The following NSDHL variants were observed in gnomAD, a reference collection of about 807,000 sequenced individuals.
NSDHL encodes sterol-4-alpha-carboxylate 3-dehydrogenase, decarboxylating.
Under a neutral mutation model 23.0 loss-of-function variants are expected in NSDHL, and 1 was observed. The observed-to-expected ratio is 0.04, with a 90% CI of 0.02 to 0.21. The LOEUF (loss-of-function observed/expected upper bound fraction) is 0.21. Ranked by LOEUF, NSDHL falls within the 10% of genes least tolerant of loss-of-function variation. The pLI is 1.00. For missense variants in NSDHL, 237 were observed against 300.9 expected (o/e 0.79, Z 1.57); for synonymous variants, 128 against 121.1 (o/e 1.06, Z -0.37).
intron 3 of NSDHL, among the ~76,000 whole-genome samples, chrX:152,851,971 C>G (rs782688934): frequency 9.0e-6 from 1 of 111,109 alleles, no homozygotes; most frequent in African/African-American, 3.3e-5. Context: ...AGGCATTCTA[C>G]TCTGAGCACT....
intron 5 of NSDHL, among the ~76,000 whole-genome samples, 168 bp from the exon 6 acceptor site, chrX:152,865,651 T>C (rs1324524146): frequency 8.9e-6 from 1 of 112,817 alleles, no homozygotes; most frequent in Non-Finnish European, 1.9e-5. Flanking sequence ...TACCAGCCAC[T>C]GATGTAGGTT....
At chrX:152,844,457 G>A (rs1933241034) in intron 1 of NSDHL, among the ~76,000 whole-genome samples, 1 of 112,439 alleles carries the variant, frequency 8.9e-6, no homozygotes, top group South Asian at 3.7e-4. Context: ...ATGCGGTCCT[G>A]TCACTGCCCC....
intron 1 of NSDHL, among the ~76,000 whole-genome samples, chrX:152,841,134 G>T (rs1270554616): frequency 8.8e-6 from 1 of 113,058 alleles, no homozygotes; most frequent in African/African-American, 3.2e-5. Flanking sequence ...AGAATCTCCT[G>T]GTCTGCCAGT....
chrX:152,845,873 G>A lies in NSDHL; in HGVS notation c.-43-409G>A, dbSNP rs149570943. Among the ~76,000 whole-genome samples, 173 of 112,550 alleles carry A rather than the reference G, an allele frequency of 1.5e-3. 1 individual carries two copies. Among genetic ancestry groups the A allele is most frequent in the African/African-American group, 5.4e-3 (167 of 31,024 alleles). ...GAGCAATTCCGTACAGTTCGTGATAGGCCCAGAGCAGGACTCCCTAGGTGT... is the reference window on the plus strand; with the variant it reads ...GAGCAATTCCGTACAGTTCGTGATAAGCCCAGAGCAGGACTCCCTAGGTGT... On this transcript the variant is annotated intron_variant, in intron 1 of 7. Transcript: ENST00000370274.
intron 1 of NSDHL, among the ~76,000 whole-genome samples, chrX:152,841,823 C>T (rs1250042248): frequency 2.7e-5 from 3 of 111,795 alleles, no homozygotes; most frequent in Non-Finnish European, 3.8e-5. Context: ...ACCATCTTCA[C>T]CATATTTAGG....
At chrX:152,856,875 G>A (rs938188587) in intron 3 of NSDHL, among the ~76,000 whole-genome samples, 26 of 112,320 alleles carry the variant, frequency 2.3e-4, no homozygotes, top group Admixed American at 2.2e-3. Flanking sequence ...TTGCCAACAT[G>A]GTGAAACCCC....
intron 2 of NSDHL, among the ~76,000 whole-genome samples, chrX:152,847,196 A>G (rs1342041740): frequency 2.7e-5 from 3 of 111,609 alleles, no homozygotes; most frequent in African/African-American, 9.8e-5. Context: ...CCAGCTACTC[A>G]GGAGGCTGAG....
rs191142380 is a variant in NSDHL, at chrX:152,864,121, G to A, written c.543+1397G>A. 3.6e-5 allele frequency among the ~76,000 whole-genome samples: 4 copies of A among 111,291 alleles called. No individual in the cohort carries two copies. The East Asian group carries it at 1.1e-3, about 32-fold the overall frequency. On this transcript the variant is annotated intron_variant, in intron 5 of 7. Transcript: ENST00000370274. The stretch of plus-strand genomic sequence containing the variant: ...GAGACGGGGTTTCACCGTGTTGGTC[G>A]GATGGTCTCGAACTCCTGACCTCAT...
At chrX:152,861,245 T>C (rs1268746345) in intron 4 of NSDHL, among the ~76,000 whole-genome samples, 1 of 113,135 alleles carries the variant, frequency 8.8e-6, no homozygotes, top group African/African-American at 3.2e-5. Flanking sequence ...AGATCTAACT[T>C]TCTTCCATGT....
At chrX:152,837,887 G>A (rs1329600210) in intron 1 of NSDHL, among the ~76,000 whole-genome samples, 2 of 111,722 alleles carry the variant, frequency 1.8e-5, no homozygotes, top group African/African-American at 6.5e-5. Context: ...GCTCCTCTTT[G>A]TACCTCTGGT....
intron 4 of NSDHL, among the ~76,000 whole-genome samples, chrX:152,862,189 C>T (rs1556847580): frequency 3.6e-5 from 4 of 112,230 alleles, no homozygotes; most frequent in African/African-American, 1.3e-4. Context: ...ATCAGAATAG[C>T]CAGTGATCTT....
intron 4 of NSDHL, among the ~76,000 whole-genome samples, chrX:152,859,396 CA>C (rs1776406872): frequency 8.9e-6 from 1 of 111,771 alleles, no homozygotes; most frequent in African/African-American, 3.3e-5. Context: ...CTTCCCTACC[CA>C]GCCCCTGGCA....
intron 3 of NSDHL, among the ~76,000 whole-genome samples, chrX:152,857,289 A>G (rs1425441678): frequency 2.7e-5 from 3 of 112,336 alleles, no homozygotes; most frequent in Non-Finnish European, 5.6e-5. Flanking sequence ...TTACTTATCA[A>G]TTGCAAAGGA....
chrX:152,852,742 G>C (rs964651753), intron 3 of NSDHL, among the ~76,000 whole-genome samples: 7 of 110,767 alleles, frequency 6.3e-5, no homozygotes, highest in African/African-American at 2.3e-4. Context: ...TGTTCCCGAG[G>C]ACGCCTCATC....
chrX:152,843,737 G>A (rs1933228894), intron 1 of NSDHL, among the ~76,000 whole-genome samples: 1 of 112,697 alleles, frequency 8.9e-6, no homozygotes, highest in South Asian at 3.6e-4. Context: ...AAGAAGAACT[G>A]AATGAAGCAT....
chrX:152,851,183 C>A (rs1229909598), intron 3 of NSDHL, among the ~76,000 whole-genome samples: 1 of 112,309 alleles, frequency 8.9e-6, no homozygotes, highest in Non-Finnish European at 1.9e-5. Flanking sequence ...GTGGCACAAG[C>A]CCCATTGCTT....
At chrX:152,866,953 C>T (rs891522445) in intron 6 of NSDHL, among the ~76,000 whole-genome samples, 1 of 111,534 alleles carries the variant, frequency 9.0e-6, no homozygotes, top group African/African-American at 3.3e-5. Flanking sequence ...AAGCAATGGG[C>T]CCCGGGTCAA....
chrX:152,836,574 T>G (rs968601510), intron 1 of NSDHL, among the ~76,000 whole-genome samples: 12 of 112,102 alleles, frequency 1.1e-4, no homozygotes, highest in African/African-American at 3.9e-4. Context: ...TTTCCCCATT[T>G]CTTGTTTTTG....
chrX:152,831,098 A>AG lies in NSDHL; in HGVS notation c.-57dup. On this transcript the variant is annotated 5_prime_UTR_variant, in exon 1 of 8. Transcript: ENST00000370274. ...GCCTGCTTGCGAGCTGAGGCCAGAC[A>AG]GGGGGGCGCCTACGGACGGGTAAGA... The AG allele has an allele frequency of 7.3e-6, 2 of 272,663 alleles. No homozygotes were observed. Among genetic ancestry groups the AG allele is most frequent in the Non-Finnish European group, 1.3e-5 (2 of 154,825 alleles). The allele number at this position is 272,663 out of a possible 1,213,427, so 22.5% of individuals were successfully genotyped here.
Sources: allele counts gnomAD v4.1 joint callset (sites outside exome capture counted in the v4.1 genomes callset), GRCh38; gene constraint gnomAD v4.1.1; transcripts MANE v1.5; gene names NCBI Gene and HGNC (gene_info 2026-07-23, HGNC 2026-07-21).